FTSJ3: variants seen among roughly 807,000 people sequenced by gnomAD.
The protein encoded by FTSJ3 is pre-rRNA 2'-O-ribose RNA methyltransferase FTSJ3.
In FTSJ3, 46 loss-of-function variants were observed where a neutral mutation model predicts 111.5. The ratio of observed to expected loss-of-function variants is 0.41; its 90% CI spans 0.33 to 0.53. FTSJ3 has a LOEUF of 0.53. FTSJ3 is among the 20% of genes least tolerant of loss of function. The pLI is 0.19. For synonymous variants in FTSJ3, 408 were observed against 383.0 expected (o/e 1.07, Z -0.76); for missense variants, 1,075 against 1,063.8 (o/e 1.01, Z -0.15).
intron 5 of FTSJ3, 124 bp from the exon 6 acceptor site, chr17:63,825,759 T>TA: frequency 1.3e-6 from 1 of 779,054 alleles, no homozygotes; most frequent in Non-Finnish European, 2.1e-6. Flanking sequence ...GCACAGGAGA[T>TA]ACAATAGTAA....
In FTSJ3 at chr17:63,824,910, C is replaced by A. The variant is rs1448521158; in HGVS notation, c.731G>T (p.Gly244Val). Reference protein sequence around the residue: ...KKPKAEGYAEGDLTLYHRTSV... With the variant: ...KKPKAEGYAEVDLTLYHRTSV... Reference sequence around the variant, plus strand: ...GGTACGGTGATAGAGAGTGAGGTCACCCTCAGCATAGCCTTCAGCCTTAGG... The same window carrying A: ...GGTACGGTGATAGAGAGTGAGGTCAACCTCAGCATAGCCTTCAGCCTTAGG... Residue 244 changes from glycine to valine, a missense_variant, in exon 9 of 21, where the codon GGT (glycine) becomes GTT (valine). Gly to Val is a moderately radical substitution (Grantham distance 109). Coordinates refer to ENST00000427159, the MANE Select transcript of FTSJ3 (RefSeq NM_017647.4). The A allele has an allele frequency of 6.3e-7, 1 of 1,587,358 alleles. No individual in the cohort carries two copies. The highest frequency in any genetic ancestry group is 8.6e-7 in the Non-Finnish European group (1 of 1,165,998).
At position 63,823,816 on chromosome 17, in the gene FTSJ3, C is replaced by T; in HGVS notation, c.1290+1G>A. On this transcript the variant is annotated splice_donor_variant, in intron 13 of 20. Coordinates refer to ENST00000427159, the MANE Select transcript of FTSJ3 (RefSeq NM_017647.4). LOFTEE classifies it high-confidence loss of function. ...AACCTGCACCCCCAATGCCGCCTCACCTGGTGACCCCGGATGGTGCTCAAG... is the reference window on the plus strand; with the variant it reads ...AACCTGCACCCCCAATGCCGCCTCATCTGGTGACCCCGGATGGTGCTCAAG... 1 of 1,613,934 alleles carries T rather than the reference C, an allele frequency of 6.2e-7. No individual in the cohort carries two copies. Among genetic ancestry groups the T allele is most frequent in the Non-Finnish European group, 8.5e-7 (1 of 1,179,928 alleles).
chr17:63,823,629 A>G (rs945715958), intron 13 of FTSJ3, 188 bp downstream of exon 13: 30 of 637,222 alleles, frequency 4.7e-5, no homozygotes, highest in Middle Eastern at 4.5e-4. Context: ...ACACTCATCT[A>G]TCTACCTAAC....
intron 6 of FTSJ3, 50 bp from the exon 7 acceptor site, chr17:63,825,486 T>TG (rs763969686): frequency 6.2e-7 from 1 of 1,604,996 alleles, no homozygotes; most frequent in Non-Finnish European, 8.5e-7. Context: ...CAGGAGGGCA[T>TG]GCGCCCACCT....
Position 63,825,593 on chromosome 17 carries a change from G to A in FTSJ3, c.343C>T (p.Leu115Phe). 6.2e-7 allele frequency: 1 copy of A among 1,614,122 alleles called. No individual in the cohort carries two copies. The highest frequency in any genetic ancestry group is 8.5e-7 in the Non-Finnish European group (1 of 1,180,002). Residue 115 changes from leucine to phenylalanine, a missense_variant, in exon 6 of 21, where the codon CTC becomes TTC. By Grantham distance (22) the Leu-to-Phe change is conservative (BLOSUM62 0). Transcript: ENST00000427159. ...CCAACGTTGGGGGCCCCATCATTGAGCACAACATCAACCTTCCAGGTCTTC... is the reference window on the plus strand; with the variant it reads ...CCAACGTTGGGGGCCCCATCATTGAACACAACATCAACCTTCCAGGTCTTC... ...ELKTWKVDVV[L>F]NDGAPNVGAS...
rs1370608029 is a variant in FTSJ3 at position 63,822,333 on chromosome 17, T to C, written c.1291-165A>G. 8.3e-6 allele frequency: 5 copies of C among 604,634 alleles called. No homozygotes were observed. In the East Asian group the frequency reaches 1.5e-4, roughly 18 times the overall value. 37.5% of individuals were successfully genotyped at this position (604,634 alleles called of 1,614,324 possible). On this transcript the variant is annotated intron_variant, in intron 13 of 20. Coordinates refer to ENST00000427159, the MANE Select transcript of FTSJ3 (RefSeq NM_017647.4). The stretch of plus-strand genomic sequence containing the variant: ...CTCAGATCCAGGGTAGTGAATGGCC[T>C]GTTTACAACATCCCGTTCTAGGCTG...
intron 17 of FTSJ3, 30 bp from the exon 18 acceptor site, chr17:63,820,968 C>A (rs188934049): frequency 6.2e-7 from 1 of 1,610,820 alleles, no homozygotes; most frequent in Admixed American, 1.7e-5. Context: ...GGTCAAAGCT[C>A]AATTCCCAAT....
chr17:63,825,451 C>G lies in FTSJ3; in HGVS notation c.401-15G>C. The G allele has an allele frequency of 1.9e-6, 3 of 1,614,014 alleles. No individual in the cohort carries two copies. Among genetic ancestry groups the G allele is most frequent in the Non-Finnish European group, 1.7e-6 (2 of 1,179,944 alleles). On this transcript the variant is annotated splice_polypyrimidine_tract_variant and intron_variant, in intron 6 of 20. Coordinates refer to ENST00000427159, the MANE Select transcript of FTSJ3 (RefSeq NM_017647.4). Reference sequence around the variant, plus strand: ...TGTCAAATGGGCTGTAGGATAGAGACAATTAGTTGACGCACTCTGCAGCCC... The same window carrying G: ...TGTCAAATGGGCTGTAGGATAGAGAGAATTAGTTGACGCACTCTGCAGCCC...
intron 13 of FTSJ3, among the ~76,000 whole-genome samples, chr17:63,823,344 C>A (rs941849247): frequency 6.6e-6 from 1 of 152,132 alleles, no homozygotes; most frequent in Admixed American, 6.5e-5. Context: ...GCCTGTAATC[C>A]CAGCACTTTG....
intron 18 of FTSJ3, 24 bp from the exon 19 acceptor site, chr17:63,820,462 A>C: frequency 6.2e-7 from 1 of 1,608,364 alleles, no homozygotes; most frequent in Non-Finnish European, 8.5e-7. Context: ...ACATCTGTCT[A>C]ATATCCAACA....
At chr17:63,823,059 A>T (rs1255052816) in intron 13 of FTSJ3, among the ~76,000 whole-genome samples, 1 of 152,132 alleles carries the variant, frequency 6.6e-6, no homozygotes, top group Non-Finnish European at 1.5e-5. Context: ...TGACCTGATT[A>T]TGACACTCCC....
rs751908035 is a variant in FTSJ3 at position 63,820,238 on chromosome 17, G to A, written c.2256+17C>T. On this transcript the variant is annotated intron_variant, in intron 19 of 20. Transcript: ENST00000427159. Reference sequence around the variant, plus strand: ...CCACCCCCACCCCACCCAATCTCTGGAGGCCCCATCACTTACCCTCCTTTT... The same window carrying A: ...CCACCCCCACCCCACCCAATCTCTGAAGGCCCCATCACTTACCCTCCTTTT... The A allele has an allele frequency of 1.4e-6, 2 of 1,461,320 alleles. No individual in the cohort carries two copies. The highest frequency in any genetic ancestry group is 2.4e-5 in the East Asian group (1 of 41,428). The allele number at this position is 1,461,320 out of a possible 1,614,324, so 90.5% of individuals were successfully genotyped here.
At chr17:63,822,459 T>C (rs1176534689) in intron 13 of FTSJ3, among the ~76,000 whole-genome samples, 5 of 152,188 alleles carry the variant, frequency 3.3e-5, no homozygotes, top group African/African-American at 1.2e-4. Context: ...TCTTAACATA[T>C]TCTACAACAC....
intron 16 of FTSJ3, 91 bp downstream of exon 16, chr17:63,821,263 A>G (rs2040048364): frequency 1.3e-6 from 2 of 1,495,010 alleles, no homozygotes; most frequent in Non-Finnish European, 1.8e-6. Flanking sequence ...AACCCTCCCC[A>G]TGTGCAGCCA....
In FTSJ3 at chr17:63,825,387, AC is replaced by A. The variant is rs1567754130; in HGVS notation, c.449del (p.Arg150LeufsTer46). 1.9e-6 allele frequency: 3 copies of A among 1,614,212 alleles called. No homozygotes were observed. The highest frequency in any genetic ancestry group is 2.5e-6 in the Non-Finnish European group (3 of 1,180,032). ...AAACCTTTGTGATGAAGCTGCCACC[AC>A]GGGCCAAAAAGTCACAAGCCAAACG... is the stretch of plus-strand genomic sequence containing the variant. ...ALRLACDFLA[R>X]GGSFITKVFR... is the part of the protein sequence containing the mutation. On this transcript the variant is annotated frameshift_variant, in exon 7 of 21. Transcript: ENST00000427159. LOFTEE classifies it high-confidence loss of function.
Position 63,825,379 on chromosome 17 carries a change from C to T in FTSJ3, c.458G>A (p.Ser153Asn). 6.2e-7 allele frequency: 1 copy of T among 1,614,224 alleles called. No individual in the cohort carries two copies. ...LACDFLARGG[S>N]FITKVFRSRD... ...AGAACGGAAAACCTTTGTGATGAAGCTGCCACCACGGGCCAAAAAGTCACA... is the reference window on the plus strand; with the variant it reads ...AGAACGGAAAACCTTTGTGATGAAGTTGCCACCACGGGCCAAAAAGTCACA... The change falls in exon 7 of 21, where the codon AGC becomes AAC. Residue 153 changes from serine to asparagine, a missense_variant. This residue lies in a region of FTSJ3 where 208 missense variants were observed against 266.9 expected (regional missense o/e 0.78). Coordinates refer to ENST00000427159, the MANE Select transcript of FTSJ3 (RefSeq NM_017647.4).
chr17:63,826,012 A>G (rs554694774), intron 5 of FTSJ3, 44 bp downstream of exon 5: 1 of 1,479,196 alleles, frequency 6.8e-7, no homozygotes. Context: ...AGGGATGTAG[A>G]TGTTTCCGTA....
Position 63,825,183 on chromosome 17 carries a change from T to A in FTSJ3, c.596-20A>T, listed in dbSNP as rs1250728776. ...GGAATCCTAAAAATGACAGGATATA[T>A]TAAAAAGTGTGCTTTGGGAGTTGGG... is the stretch of plus-strand genomic sequence containing the variant. On this transcript the variant is annotated intron_variant, in intron 7 of 20. Coordinates refer to ENST00000427159, the MANE Select transcript of FTSJ3 (RefSeq NM_017647.4). 4 of 1,613,684 alleles carry A rather than the reference T, an allele frequency of 2.5e-6. No individual in the cohort carries two copies. In the South Asian group the frequency reaches 4.4e-5, roughly 18 times the overall value.
In FTSJ3 at chr17:63,824,362, G is replaced by A. The variant is rs748136302; in HGVS notation, c.967C>T (p.Leu323=). The change falls in exon 11 of 21, where the codon CTG becomes TTG. Residue 323 remains leucine (L), a synonymous_variant. Transcript: ENST00000427159. ...TKLRRYVAKK[L]KEQAKALDIS... is the part of the protein sequence containing the mutation. The stretch of plus-strand genomic sequence containing the variant: ...TCCAGTGCCTTTGCTTGTTCTTTCA[G>A]CTTCTTGGCCACATATCGCCGAAGT... 1.2e-6 allele frequency: 2 copies of A among 1,614,038 alleles called. No homozygotes were observed. The highest frequency in any genetic ancestry group is 2.2e-5 in the East Asian group (1 of 44,900).
Sources: allele counts gnomAD v4.1 joint callset (sites outside exome capture counted in the v4.1 genomes callset), GRCh38; gene constraint gnomAD v4.1.1; regional missense constraint gnomAD v4.1.1; transcripts MANE v1.5; gene names NCBI Gene and HGNC (gene_info 2026-07-23, HGNC 2026-07-21).